The following SORCS1 variants were observed in gnomAD, a reference collection of about 807,000 sequenced individuals.
SORCS1 encodes the protein VPS10 domain-containing receptor SorCS1.
A neutral mutation model predicts 146.1 loss-of-function variants in SORCS1; 60 were observed. That is an observed-to-expected ratio of 0.41 (90% CI 0.33 to 0.51). SORCS1 has a LOEUF of 0.51. Among genes scored for constraint, SORCS1 ranks in the 20% least tolerant of loss-of-function variants. The pLI is 0.21. For synonymous variants in SORCS1, 637 were observed against 584.0 expected (o/e 1.09, Z -1.31); for missense variants, 1,352 against 1,487.6 (o/e 0.91, Z 1.50).
intron 20 of SORCS1, among the ~76,000 whole-genome samples, chr10:106,618,633 C>T (rs1040000294): frequency 1.3e-5 from 2 of 152,100 alleles, no homozygotes; most frequent in Non-Finnish European, 2.9e-5. Flanking sequence ...CAAATGAGAA[C>T]GGGGGCTCAT....
At position 107,060,395 on chromosome 10, in the gene SORCS1, A is replaced by G. The variant is rs1432672144; in HGVS notation, c.558+103574T>C. Among the ~76,000 whole-genome samples, 2 of 152,202 alleles carry G rather than the reference A, an allele frequency of 1.3e-5. No homozygotes were observed. Among genetic ancestry groups the G allele is most frequent in the African/African-American group, 4.8e-5 (2 of 41,452 alleles). On this transcript the variant is annotated intron_variant, in intron 1 of 25. Transcript: ENST00000263054. The surrounding 1 kb of genome is among the most constrained non-coding windows in gnomAD (Gnocchi z 4.1). ...AAGCCATTTGAGGATAGCAAAATGT[A>G]GAGTGAGGCAAATTTCTTTGCTGTA...
intron 23 of SORCS1, among the ~76,000 whole-genome samples, chr10:106,598,236 ATAT>A (rs10579142): frequency 0.16 from 22,532 of 140,300 alleles, 1,865 homozygotes; most frequent in South Asian, 0.28. Flanking sequence ...CACTCCTATT[ATAT>A]TATTATTATT....
chr10:106,759,452 T>C (rs564270348), intron 5 of SORCS1, among the ~76,000 whole-genome samples: 1 of 152,300 alleles, frequency 6.6e-6, no homozygotes, highest in East Asian at 1.9e-4. Context: ...ATTAGAGAAA[T>C]TAGGGTAAGG....
intron 17 of SORCS1, among the ~76,000 whole-genome samples, chr10:106,658,146 G>T (rs536644767): frequency 8.5e-5 from 13 of 152,078 alleles, no homozygotes; most frequent in Non-Finnish European, 1.9e-4. Context: ...TAAAGTTCAG[G>T]TTTAAAGTAA....
At chr10:106,833,893 A>T (rs1948672905) in intron 2 of SORCS1, among the ~76,000 whole-genome samples, 2 of 152,152 alleles carry the variant, frequency 1.3e-5, no homozygotes, top group South Asian at 4.1e-4. Flanking sequence ...TCCTGGGTTC[A>T]CGCCATTCTC....
At chr10:107,173,928 T>A in the SORCS1 span, among the ~76,000 whole-genome samples, 1 of 152,220 alleles carries the variant, frequency 6.6e-6, no homozygotes, top group African/African-American at 2.4e-5. Flanking sequence ...ACAAAGCACT[T>A]CTTAATTATT....
intron 2 of SORCS1, among the ~76,000 whole-genome samples, chr10:106,881,285 C>G (rs10884369): frequency 0.29 from 44,657 of 151,968 alleles, 7,869 homozygotes; most frequent in Non-Finnish European, 0.4. Context: ...GTGTCTTCCT[C>G]TGCAAAATAG....
intron 1 of SORCS1, among the ~76,000 whole-genome samples, chr10:107,163,543 G>T (rs1313141123): frequency 2.0e-5 from 3 of 152,198 alleles, no homozygotes; most frequent in African/African-American, 7.2e-5. Context: ...ACATATATGG[G>T]TCTTCTTAAT....
intron 24 of SORCS1, among the ~76,000 whole-genome samples, chr10:106,589,743 C>G (rs1431029706): frequency 6.7e-6 from 1 of 149,750 alleles, no homozygotes; most frequent in Non-Finnish European, 1.5e-5. Context: ...AGGTCTCCAT[C>G]TCGACTAAAC....
At chr10:106,632,843 T>G (rs1184835253) in intron 18 of SORCS1, among the ~76,000 whole-genome samples, 1 of 152,132 alleles carries the variant, frequency 6.6e-6, no homozygotes, top group Non-Finnish European at 1.5e-5. Flanking sequence ...AAAGAAGGCT[T>G]CCAAAAGGAA....
At chr10:107,066,693 T>A (rs1590058272) in intron 1 of SORCS1, among the ~76,000 whole-genome samples, 3 of 152,276 alleles carry the variant, frequency 2.0e-5, no homozygotes, top group African/African-American at 7.2e-5. Context: ...TTTAACACTG[T>A]CCAAATCCTT....
chr10:107,032,177 TAA>T (rs956848668), intron 1 of SORCS1, among the ~76,000 whole-genome samples: 2 of 152,060 alleles, frequency 1.3e-5, no homozygotes, highest in Non-Finnish European at 2.9e-5. Context: ...TATAAATAAA[TAA>T]AAGACACGTA....
At chr10:107,155,984 T>G (rs2134873834) in intron 1 of SORCS1, among the ~76,000 whole-genome samples, 1 of 152,244 alleles carries the variant, frequency 6.6e-6, no homozygotes, top group East Asian at 1.9e-4. Flanking sequence ...TGACACACAT[T>G]AATAACCCCC....
chr10:106,928,404 G>A (rs1953198149), intron 2 of SORCS1, among the ~76,000 whole-genome samples: 1 of 152,216 alleles, frequency 6.6e-6, no homozygotes, highest in South Asian at 2.1e-4. Flanking sequence ...GGGCCGCCAA[G>A]CCCGCGCCCA....
At chr10:107,093,785 C>T (rs941365305) in intron 1 of SORCS1, among the ~76,000 whole-genome samples, 9 of 152,156 alleles carry the variant, frequency 5.9e-5, no homozygotes, top group Admixed American at 2.0e-4. Flanking sequence ...CACAATCTGC[C>T]TATCACTACC....
chr10:106,757,467 A>G (rs1245474501), intron 5 of SORCS1, among the ~76,000 whole-genome samples: 4 of 152,224 alleles, frequency 2.6e-5, no homozygotes, highest in Non-Finnish European at 5.9e-5. Flanking sequence ...ACTGGTTTCC[A>G]GAAGTGAGTC....
rs774662257 is a variant in SORCS1, at chr10:106,667,801, C to T, written c.2191G>A (p.Asp731Asn). ...CVCTEADFDC[D>N]YGYERHSNGQ... ...TTGCTGTGTCGCTCATAACCATAGTCGCTGTTAGGAAAGAGCCGAGAAAAA... is the reference window on the plus strand; with the variant it reads ...TTGCTGTGTCGCTCATAACCATAGTTGCTGTTAGGAAAGAGCCGAGAAAAA... Residue 731 changes from aspartate to asparagine, a missense_variant and splice_region_variant, in exon 17 of 26, where the codon GAC becomes AAC. By Grantham distance (23) the Asp-to-Asn change is conservative (BLOSUM62 1). Transcript: ENST00000263054. 5.0e-6 allele frequency: 8 copies of T among 1,613,034 alleles called. No homozygotes were observed. Among genetic ancestry groups the T allele is most frequent in the Admixed American group, 1.7e-5 (1 of 59,932 alleles).
chr10:106,783,985 T>TA (rs892099213), intron 3 of SORCS1, among the ~76,000 whole-genome samples: 74 of 149,312 alleles, frequency 5.0e-4, no homozygotes, highest in Middle Eastern at 3.5e-3. Flanking sequence ...AACTGTCATT[T>TA]AAAAAAAAAA....
At chr10:106,766,239 A>G (rs1177229600) in intron 4 of SORCS1, among the ~76,000 whole-genome samples, 1 of 152,128 alleles carries the variant, frequency 6.6e-6, no homozygotes, top group Non-Finnish European at 1.5e-5. Context: ...GTACTTCTTG[A>G]AAAGGCTGAC....
Sources: gnomAD v4.1 joint callset for allele counts (sites outside exome capture counted in the v4.1 genomes callset) on GRCh38, gnomAD v4.1.1 for gene constraint, Gnocchi (gnomAD v3.1) non-coding constraint, MANE v1.5 for transcripts, NCBI Gene and HGNC (gene_info 2026-07-23, HGNC 2026-07-21) for gene names.